LRGUK: variants seen among roughly 807,000 people sequenced by gnomAD.
LRGUK encodes leucine-rich repeat and guanylate kinase domain-containing protein.
LRGUK carries 65 observed loss-of-function variants against 76.0 expected under a neutral mutation model. The ratio of observed to expected loss-of-function variants is 0.85; its 90% CI spans 0.70 to 1.05. LRGUK has a LOEUF of 1.05. Ranked by LOEUF, LRGUK falls within the 50% of genes least tolerant of loss-of-function variation. The pLI is 0.00. For synonymous variants in LRGUK, 268 were observed against 265.6 expected, an observed-to-expected ratio of 1.01 and a Z score of -0.09; for missense variants, 758 against 732.8, an observed-to-expected ratio of 1.03 and a Z score of -0.40.
At chr7:134,265,711 G>A (rs1802842700), downstream of LRGUK, among the ~76,000 whole-genome samples, 1 of 152,172 alleles carries the variant, frequency 6.6e-6, no homozygotes, top group South Asian at 2.1e-4. Flanking sequence ...ATCAGAGAAG[G>A]TGTTGTGGAC....
downstream of LRGUK, among the ~76,000 whole-genome samples, chr7:134,212,088 T>G (rs1289451173): frequency 6.6e-6 from 1 of 152,248 alleles, no homozygotes; most frequent in Non-Finnish European, 1.5e-5. Context: ...TATCTGATTT[T>G]ACCTCTGGAA....
chr7:134,163,606 A>C, intron 7 of LRGUK, 66 bp downstream of exon 7: 1 of 1,386,634 alleles, frequency 7.2e-7, no homozygotes, highest in South Asian at 1.9e-5. Context: ...GAGACTTAGC[A>C]CACACCCTTC....
chr7:134,127,617 G>A (rs767152343), exon 1 of LRGUK: 4 of 1,614,050 alleles, frequency 2.5e-6, no homozygotes, highest in Admixed American at 3.3e-5. Flanking sequence ...GGGCGAGGGC[G>A]AGGCGGGATC....
At chr7:134,143,241 G>T in intron 4 of LRGUK, 79 bp downstream of exon 4, 1 of 792,810 alleles carries the variant, frequency 1.3e-6, no homozygotes, top group South Asian at 1.5e-5. Flanking sequence ...CACTCAAATA[G>T]AGAATTCAGA....
chr7:134,127,995 G>A (rs1314603742), intron 1 of LRGUK, among the ~76,000 whole-genome samples: 1 of 151,562 alleles, frequency 6.6e-6, no homozygotes, highest in East Asian at 1.9e-4. Context: ...ATTATACTTT[G>A]ACAGTATTGT....
Position 134,139,435 on chromosome 7 carries a change from G to A in LRGUK, c.406-1G>A, listed in dbSNP as rs2116832120. 1.3e-6 allele frequency: 2 copies of A among 1,599,460 alleles called. No homozygotes were observed. Among genetic ancestry groups the A allele is most frequent in the East Asian group, 4.5e-5 (2 of 44,602 alleles). ...AAGTCTTTTACCTTTTGTTTTCTCAGGGTTGTAATTTAATTGATGTTAGCA... is the reference window on the plus strand; with the variant it reads ...AAGTCTTTTACCTTTTGTTTTCTCAAGGTTGTAATTTAATTGATGTTAGCA... On this transcript the variant is annotated splice_acceptor_variant, in intron 2 of 15. Transcript: ENST00000645682. LOFTEE classifies it high-confidence loss of function.
chr7:134,183,639 C>G, intron 10 of LRGUK, 95 bp from the exon 11 acceptor site: 2 of 1,403,588 alleles, frequency 1.4e-6, no homozygotes, highest in Non-Finnish European at 2.0e-6. Flanking sequence ...ATAGCAAGTG[C>G]TCATTTAGCC....
At chr7:134,129,365 G>A (rs116413966) in intron 1 of LRGUK, among the ~76,000 whole-genome samples, 366 of 30,860 alleles carry the variant, frequency 0.012, 13 homozygotes, top group African/African-American at 0.048. Context: ...TCTCCTTCCT[G>A]CCTTCCTTCC....
chr7:134,212,560 G>A (rs150055148), downstream of LRGUK, among the ~76,000 whole-genome samples: 9 of 152,336 alleles, frequency 5.9e-5, no homozygotes, highest in African/African-American at 2.2e-4. Context: ...CTTGCAAAAT[G>A]AAGAGCTTAT....
At chr7:134,265,878 G>A (rs1802845708), downstream of LRGUK, among the ~76,000 whole-genome samples, 1 of 152,186 alleles carries the variant, frequency 6.6e-6, no homozygotes, top group Admixed American at 6.5e-5. Context: ...CTCATGAAGA[G>A]CCAGGACTTT....
intron 6 of LRGUK, among the ~76,000 whole-genome samples, chr7:134,158,887 T>A (rs564561653): frequency 1.7e-3 from 253 of 152,306 alleles, no homozygotes; most frequent in Non-Finnish European, 3.1e-3. Flanking sequence ...GATTCTTTCT[T>A]CTCCTTTCTC....
At chr7:134,155,262 ATT>A (rs1294950384) in intron 5 of LRGUK, among the ~76,000 whole-genome samples, 2 of 152,046 alleles carry the variant, frequency 1.3e-5, no homozygotes, top group African/African-American at 2.4e-5. Flanking sequence ...TCATATTCAT[ATT>A]TTGTTACAAT....
At chr7:134,127,354 C>T in exon 1 of LRGUK, 4 of 1,572,722 alleles carry the variant, frequency 2.5e-6, no homozygotes, top group Non-Finnish European at 2.6e-6. Flanking sequence ...TCCTAGGCAA[C>T]CCCGCTAAAC....
At chr7:134,158,225 T>A in intron 6 of LRGUK, 66 bp downstream of exon 6, 4 of 1,386,010 alleles carry the variant, frequency 2.9e-6, no homozygotes, top group Non-Finnish European at 4.0e-6. Flanking sequence ...CTACATGAAT[T>A]ATGACTACTT....
chr7:134,261,306 T>A (rs1802721285), intron 19 of LRGUK, among the ~76,000 whole-genome samples: 1 of 152,102 alleles, frequency 6.6e-6, no homozygotes, highest in Non-Finnish European at 1.5e-5. Flanking sequence ...TTTTTTTACA[T>A]AAATGTAACT....
intron 4 of LRGUK, among the ~76,000 whole-genome samples, chr7:134,145,249 T>C (rs1797920379): frequency 6.6e-6 from 1 of 151,982 alleles, no homozygotes; most frequent in Non-Finnish European, 1.5e-5. Context: ...TCTTTTCTTT[T>C]CTTTTCTTTT....
chr7:134,225,012 A>G (rs906273804), intron 16 of LRGUK, among the ~76,000 whole-genome samples: 5 of 151,288 alleles, frequency 3.3e-5, no homozygotes, highest in African/African-American at 9.7e-5. Context: ...AGATCTCGCC[A>G]CTGCACTCCA....
intron 10 of LRGUK, among the ~76,000 whole-genome samples, chr7:134,179,885 C>A (rs1278555140): frequency 6.6e-6 from 1 of 152,182 alleles, no homozygotes; most frequent in Non-Finnish European, 1.5e-5. Context: ...GGCCAGTACA[C>A]AACTCTCTGT....
At chr7:134,127,398 ACCAGAGCTG>A in exon 1 of LRGUK, 1 of 1,613,328 alleles carries the variant, frequency 6.2e-7, no homozygotes, top group Non-Finnish European at 8.5e-7. Context: ...TCTCCTGAGG[ACCAGAGCTG>A]CCTCTCTCCT....
Sources: gnomAD v4.1 joint callset for allele counts (sites outside exome capture counted in the v4.1 genomes callset) on GRCh38, gnomAD v4.1.1 for gene constraint, MANE v1.5 for transcripts, NCBI Gene and HGNC (gene_info 2026-07-23, HGNC 2026-07-21) for gene names.